The following CHN2 variants were observed in gnomAD, a reference collection of about 807,000 sequenced individuals.
CHN2 encodes chimerin 2.
CHN2 carries 35 observed loss-of-function variants against 56.3 expected under a neutral mutation model. That is an observed-to-expected ratio of 0.62 (90% CI 0.47 to 0.82). CHN2 has a LOEUF of 0.82. CHN2 is among the 40% of genes least tolerant of loss of function. CHN2 has a pLI of 0.00. For synonymous variants in CHN2, 210 were observed against 212.8 expected, an observed-to-expected ratio of 0.99 and a Z score of 0.12; for missense variants, 491 against 580.5, an observed-to-expected ratio of 0.85 and a Z score of 1.58.
intron 1 of CHN2, among the ~76,000 whole-genome samples, chr7:29,199,034 C>CTT (rs1783950611): frequency 6.6e-6 from 1 of 152,110 alleles, no homozygotes; most frequent in Non-Finnish European, 1.5e-5. Context: ...GTCTTCAAAA[C>CTT]CTTAATTGGG....
chr7:29,485,522 C>T (rs1464129478), intron 7 of CHN2, among the ~76,000 whole-genome samples: 1 of 152,196 alleles, frequency 6.6e-6, no homozygotes, highest in Non-Finnish European at 1.5e-5. Flanking sequence ...TGTGGTTGTT[C>T]TCTCAGCCTT....
At chr7:29,340,402 G>T (rs111520675) in intron 1 of CHN2, among the ~76,000 whole-genome samples, 34 of 151,696 alleles carry the variant, frequency 2.2e-4, no homozygotes, top group South Asian at 6.3e-4. Flanking sequence ...GGTTGCTTGG[G>T]GGGGGGCCTC....
At chr7:29,481,177 G>A (rs145255957) in intron 7 of CHN2, among the ~76,000 whole-genome samples, 2 of 152,328 alleles carry the variant, frequency 1.3e-5, no homozygotes, top group East Asian at 3.9e-4. Context: ...AGAGTTAGAG[G>A]CTTCACCCCA....
At chr7:29,150,941 T>C (rs2128691681) in intron 2 of CHN2, among the ~76,000 whole-genome samples, 1 of 152,132 alleles carries the variant, frequency 6.6e-6, no homozygotes, top group East Asian at 1.9e-4. Context: ...AAAACAACAC[T>C]GTGCTATTAA....
intron 1 of CHN2, among the ~76,000 whole-genome samples, chr7:29,235,708 A>G (rs959091656): frequency 1.3e-5 from 2 of 152,246 alleles, no homozygotes; most frequent in African/African-American, 4.8e-5. Flanking sequence ...ATGTAGCCAT[A>G]AAAAAGAATG....
intron 5 of CHN2, 164 bp from the exon 6 acceptor site, chr7:29,400,379 C>T: frequency 1.5e-6 from 1 of 665,494 alleles, no homozygotes; most frequent in Non-Finnish European, 2.6e-6. Flanking sequence ...ATTATACCGT[C>T]TCAAAGGGTC....
At chr7:29,305,711 A>G (rs1794085327) in intron 1 of CHN2, among the ~76,000 whole-genome samples, 1 of 150,908 alleles carries the variant, frequency 6.6e-6, no homozygotes, top group Non-Finnish European at 1.5e-5. Context: ...CTTTGGGCCC[A>G]AATTTTACTC....
intron 6 of CHN2, 68 bp downstream of exon 6, chr7:29,400,896 T>C (rs1802148479): frequency 1.3e-6 from 2 of 1,498,404 alleles, no homozygotes; most frequent in African/African-American, 1.4e-5. Flanking sequence ...GGGTTAACTA[T>C]AGGTGCGATT....
At chr7:29,236,472 C>T (rs1787200920) in intron 1 of CHN2, among the ~76,000 whole-genome samples, 1 of 152,184 alleles carries the variant, frequency 6.6e-6, no homozygotes. Context: ...CAAGGTTGCT[C>T]CTGTGCAGTC....
At chr7:29,414,382 A>T (rs774832118) in intron 6 of CHN2, among the ~76,000 whole-genome samples, 80 of 152,336 alleles carry the variant, frequency 5.3e-4, no homozygotes, top group Middle Eastern at 6.8e-3. Flanking sequence ...GAAAGGAAGA[A>T]GTGCTAGCAC....
intron 1 of CHN2, among the ~76,000 whole-genome samples, chr7:29,245,923 C>T (rs144328467): frequency 1.3e-3 from 204 of 152,310 alleles, no homozygotes; most frequent in African/African-American, 4.7e-3. Context: ...CTGCTGGGCT[C>T]CTGATAAGGA....
intron 3 of CHN2, among the ~76,000 whole-genome samples, chr7:29,368,889 G>T (rs1799386281): frequency 6.6e-6 from 1 of 152,114 alleles, no homozygotes; most frequent in South Asian, 2.1e-4. Context: ...CTCAATTTTA[G>T]TACACAGTAG....
intron 6 of CHN2, among the ~76,000 whole-genome samples, chr7:29,414,359 A>G (rs186266306): frequency 6.6e-6 from 1 of 152,224 alleles, no homozygotes; most frequent in African/African-American, 2.4e-5. Context: ...GTAAAAATCA[A>G]CCTACTCACA....
At chr7:29,382,248 C>T (rs1308847904) in intron 3 of CHN2, among the ~76,000 whole-genome samples, 2 of 152,192 alleles carry the variant, frequency 1.3e-5, no homozygotes, top group Non-Finnish European at 2.9e-5. Context: ...GTCTCAAATT[C>T]CAGGGGCAGA....
rs1264578114 is a variant in CHN2, at chr7:29,512,758, T to C, written c.*23T>C. On this transcript the variant is annotated 3_prime_UTR_variant, in exon 13 of 13. Transcript: ENST00000222792. The stretch of plus-strand genomic sequence containing the variant: ...TAATCCATCAGGGAAATGAGCTGAA[T>C]GGCCCCAGCACCATCCAAGTTGACA... 1.2e-6 allele frequency: 2 copies of C among 1,612,152 alleles called. No individual in the cohort carries two copies. The highest frequency in any genetic ancestry group is 1.7e-4 in the Middle Eastern group (1 of 6,038).
chr7:29,400,928 C>A, intron 6 of CHN2, 100 bp downstream of exon 6: 1 of 1,148,348 alleles, frequency 8.7e-7, no homozygotes, highest in South Asian at 1.6e-5. Flanking sequence ...TGGAGGAGAC[C>A]CACCCCCACC....
chr7:29,414,517 CCCAGTGGGCAGGGGAG>C (rs1803541503), intron 6 of CHN2, among the ~76,000 whole-genome samples: 1 of 152,108 alleles, frequency 6.6e-6, no homozygotes, highest in African/African-American at 2.4e-5. Flanking sequence ...TTCATGACCA[CCCAGTGGGCAGGGGAG>C]CTGAAACCCT....
intron 2 of CHN2, among the ~76,000 whole-genome samples, chr7:29,172,768 T>G (rs1796766855): frequency 6.6e-6 from 1 of 152,194 alleles, no homozygotes; most frequent in African/African-American, 2.4e-5. Context: ...CATTTTAATA[T>G]TATAAAACTT....
intron 1 of CHN2, among the ~76,000 whole-genome samples, chr7:29,340,171 G>A (rs547572846): frequency 7.2e-4 from 109 of 152,230 alleles, no homozygotes; most frequent in African/African-American, 2.2e-3. Context: ...CCATGAAATC[G>A]AGTTGAAGAA....
Sources: gnomAD v4.1 joint callset for allele counts (sites outside exome capture counted in the v4.1 genomes callset) on GRCh38, gnomAD v4.1.1 for gene constraint, MANE v1.5 for transcripts, NCBI Gene and HGNC (gene_info 2026-07-23, HGNC 2026-07-21) for gene names.